ZNF804A: variants seen among roughly 807,000 people sequenced by gnomAD.
ZNF804A encodes the protein zinc finger protein 804A.
Under a neutral mutation model 16.5 loss-of-function variants are expected in ZNF804A, and 2 were observed. The ratio of observed to expected loss-of-function variants is 0.12; its 90% CI spans 0.05 to 0.38. The LOEUF is 0.38. ZNF804A is among the 10% of genes least tolerant of loss of function. The pLI is 0.99. For missense variants in ZNF804A, 1,473 were observed against 1,390.7 expected, an observed-to-expected ratio of 1.06 and a Z score of -0.94; for synonymous variants, 534 against 489.6, an observed-to-expected ratio of 1.09 and a Z score of -1.20.
chr2:184,664,786 T>C (rs1474675837), intron 1 of ZNF804A, among the ~76,000 whole-genome samples: 2 of 152,166 alleles, frequency 1.3e-5, no homozygotes, highest in Non-Finnish European at 2.9e-5. Flanking sequence ...GGCTGTTTTA[T>C]CATACAACAA....
chr2:184,727,041 A>T (rs1263390614), intron 1 of ZNF804A, among the ~76,000 whole-genome samples: 2 of 151,680 alleles, frequency 1.3e-5, no homozygotes, highest in African/African-American at 4.8e-5. Context: ...AGTAAACCTT[A>T]TCTATAAGCA....
At chr2:184,611,285 G>A (rs1691234221) in intron 1 of ZNF804A, among the ~76,000 whole-genome samples, 1 of 151,914 alleles carries the variant, frequency 6.6e-6, no homozygotes, top group Admixed American at 6.6e-5. Context: ...CTTTTTTTGG[G>A]GGAGGGCAAA....
At chr2:184,826,373 C>T (rs140354885) in intron 1 of ZNF804A, among the ~76,000 whole-genome samples, 10 of 152,138 alleles carry the variant, frequency 6.6e-5, no homozygotes, top group African/African-American at 2.4e-4. Flanking sequence ...TAAAATTAGA[C>T]TTTCAGATCT....
At chr2:184,815,898 C>T (rs1263067216) in intron 1 of ZNF804A, among the ~76,000 whole-genome samples, 1 of 151,946 alleles carries the variant, frequency 6.6e-6, no homozygotes, top group Non-Finnish European at 1.5e-5. Context: ...ATTTGTGTTG[C>T]TGTGGCATGT....
chr2:184,888,656 T>C (rs1185687781), intron 2 of ZNF804A, among the ~76,000 whole-genome samples: 1 of 152,156 alleles, frequency 6.6e-6, no homozygotes, highest in Non-Finnish European at 1.5e-5. Flanking sequence ...TACTCCTCAG[T>C]TCTAAATGCT....
intron 1 of ZNF804A, among the ~76,000 whole-genome samples, chr2:184,629,221 C>T (rs1204555405): frequency 6.6e-6 from 1 of 152,050 alleles, no homozygotes; most frequent in Non-Finnish European, 1.5e-5. Flanking sequence ...ATTTATCATT[C>T]ACTTTATTGT....
chr2:184,744,921 GA>G (rs1028719037), intron 1 of ZNF804A, among the ~76,000 whole-genome samples: 1 of 151,618 alleles, frequency 6.6e-6, no homozygotes, highest in Non-Finnish European at 1.5e-5. Flanking sequence ...CATGTGGGAT[GA>G]AAAAAAGTAT....
Position 184,812,228 on chromosome 2 carries a change from CAT to C in ZNF804A, c.112-54140_112-54139del, listed in dbSNP as rs1469146155. Among the ~76,000 whole-genome samples, 5 of 152,180 alleles carry C rather than the reference CAT, an allele frequency of 3.3e-5. No homozygotes were observed. In the East Asian group the frequency reaches 9.7e-4, roughly 29 times the overall value. On this transcript the variant is annotated intron_variant, in intron 1 of 3. Coordinates refer to ENST00000302277, the MANE Select transcript of ZNF804A (RefSeq NM_194250.2). The stretch of plus-strand genomic sequence containing the variant: ...ATATTCAACTAAAATGAAAAATGGC[CAT>C]GTCTTTTCTAGTCCTGCTGTCTCTA...
chr2:184,930,453 G>A (rs1685679720), intron 2 of ZNF804A, among the ~76,000 whole-genome samples: 2 of 152,126 alleles, frequency 1.3e-5, no homozygotes, highest in African/African-American at 4.8e-5. Context: ...CAGTGCAAAT[G>A]AGCATTCTTG....
chr2:184,689,030 A>C (rs1231412309), intron 1 of ZNF804A, among the ~76,000 whole-genome samples: 3 of 152,160 alleles, frequency 2.0e-5, no homozygotes, highest in Non-Finnish European at 4.4e-5. Flanking sequence ...TAATTTAACA[A>C]CATTTAATAA....
chr2:184,677,239 A>G (rs1692453684), intron 1 of ZNF804A, among the ~76,000 whole-genome samples: 1 of 152,038 alleles, frequency 6.6e-6, no homozygotes, highest in African/African-American at 2.4e-5. Flanking sequence ...AAGAGATATA[A>G]TCAACAATAC....
intron 1 of ZNF804A, among the ~76,000 whole-genome samples, chr2:184,832,758 A>T (rs1020660705): frequency 6.6e-6 from 1 of 151,912 alleles, no homozygotes; most frequent in African/African-American, 2.4e-5. Flanking sequence ...TATAATTTTG[A>T]TATTTTTTAA....
Position 184,937,405 on chromosome 2 carries a change from A to T in ZNF804A, c.2009A>T (p.Asn670Ile), listed in dbSNP as rs1339682211. Residue 670 changes from asparagine (N) to isoleucine (I), a missense_variant, in exon 4 of 4, where the codon AAT (asparagine) becomes ATT (isoleucine). By Grantham distance (149) the Asn-to-Ile change is moderately radical. Transcript: ENST00000302277. The stretch of plus-strand genomic sequence containing the variant: ...TCAGAATCCATATCCTTAAGTGACA[A>T]TGAAGAAATGTGTAAAACATGGAAT... ...PKSESISLSD[N>I]EEMCKTWNTE... is the part of the protein sequence containing the mutation. 2 of 1,612,986 alleles carry T rather than the reference A, an allele frequency of 1.2e-6. No homozygotes were observed. The highest frequency in any genetic ancestry group is 2.2e-5 in the South Asian group (2 of 91,008).
chr2:184,878,258 A>T (rs1027484562), intron 2 of ZNF804A, among the ~76,000 whole-genome samples: 2 of 152,086 alleles, frequency 1.3e-5, no homozygotes, highest in African/African-American at 4.8e-5. Context: ...CAGGTAGATT[A>T]TGTGAGCCAA....
chr2:184,612,626 G>A (rs1691256262), intron 1 of ZNF804A, among the ~76,000 whole-genome samples: 2 of 151,968 alleles, frequency 1.3e-5, no homozygotes, highest in Non-Finnish European at 2.9e-5. Context: ...GTAGAGACAG[G>A]GTTTCTCTAT....
intron 1 of ZNF804A, among the ~76,000 whole-genome samples, chr2:184,676,007 G>A (rs1056943755): frequency 6.6e-6 from 1 of 151,476 alleles, no homozygotes; most frequent in Non-Finnish European, 1.5e-5. Flanking sequence ...ACCACAAAGA[G>A]GGATAATATG....
intron 1 of ZNF804A, among the ~76,000 whole-genome samples, chr2:184,615,420 G>C (rs1007304125): frequency 6.6e-6 from 1 of 152,148 alleles, no homozygotes; most frequent in Non-Finnish European, 1.5e-5. Context: ...GCCAAAGACA[G>C]TCCCAGTTTA....
intron 1 of ZNF804A, among the ~76,000 whole-genome samples, chr2:184,782,348 A>T (rs1331259437): frequency 6.6e-6 from 1 of 151,546 alleles, no homozygotes; most frequent in Non-Finnish European, 1.5e-5. Context: ...GATTTGAGTT[A>T]GTGAGCTGGG....
intron 1 of ZNF804A, among the ~76,000 whole-genome samples, chr2:184,822,177 T>C (rs1342082673): frequency 6.6e-6 from 1 of 152,090 alleles, no homozygotes; most frequent in African/African-American, 2.4e-5. Context: ...GCCCATCAAT[T>C]GTAGACTGGA....
Sources: allele counts gnomAD v4.1 joint callset (sites outside exome capture counted in the v4.1 genomes callset), GRCh38; gene constraint gnomAD v4.1.1; transcripts MANE v1.5; gene names NCBI Gene and HGNC (gene_info 2026-07-23, HGNC 2026-07-21).